SLC35D1: variants seen among roughly 807,000 people sequenced by gnomAD.
SLC35D1 encodes the protein solute carrier family 35 member D1, also known as nucleotide sugar transporter SLC35D1.
Under a neutral mutation model 46.7 loss-of-function variants are expected in SLC35D1, and 31 were observed. The observed-to-expected ratio is 0.66, with a 90% CI of 0.50 to 0.90. SLC35D1 has a LOEUF of 0.90. Among genes scored for constraint, SLC35D1 ranks in the 40% least tolerant of loss-of-function variants. The pLI is 0.00. For missense variants in SLC35D1, 397 were observed against 426.2 expected, an observed-to-expected ratio of 0.93 and a Z score of 0.60; for synonymous variants, 195 against 164.6, an observed-to-expected ratio of 1.18 and a Z score of -1.41.
chr1:66,994,201 C>T, the SLC35D1 span, among the ~76,000 whole-genome samples: 1 of 152,180 alleles, frequency 6.6e-6, no homozygotes, highest in African/African-American at 2.4e-5. Context: ...CTGACGACTC[C>T]GGTGAGATGA....
intron 5 of SLC35D1, among the ~76,000 whole-genome samples, chr1:67,050,051 A>C (rs556235311): frequency 6.6e-6 from 1 of 152,296 alleles, no homozygotes; most frequent in South Asian, 2.1e-4. Flanking sequence ...CACTTTTAAA[A>C]TTTTCACCTA....
intron 1 of SLC35D1, among the ~76,000 whole-genome samples, chr1:67,053,398 G>A (rs1039614374): frequency 9.2e-5 from 14 of 152,206 alleles, no homozygotes; most frequent in Non-Finnish European, 2.9e-5. Flanking sequence ...GTCAGCGGGT[G>A]CAGGGGACAC....
At chr1:66,982,693 A>C in the SLC35D1 span, among the ~76,000 whole-genome samples, 7 of 152,226 alleles carry the variant, frequency 4.6e-5, no homozygotes, top group Non-Finnish European at 8.8e-5. Context: ...AGAAACTGGA[A>C]GAGAAACACT....
chr1:67,021,494 C>T (rs1558155068), intron 9 of SLC35D1, 41 bp downstream of exon 9: 2 of 1,605,196 alleles, frequency 1.2e-6, no homozygotes, highest in Admixed American at 1.7e-5. Flanking sequence ...TAACCTATTT[C>T]TTTAGGAAAA....
chr1:67,053,027 AACC>A, intron 1 of SLC35D1, 38 bp from the exon 2 acceptor site: 1 of 1,611,958 alleles, frequency 6.2e-7, no homozygotes, highest in Non-Finnish European at 8.5e-7. Context: ...GATCAGAACA[AACC>A]TAACTTAGCT....
chr1:67,048,608 A>G (rs1204813584), intron 6 of SLC35D1, among the ~76,000 whole-genome samples: 3 of 152,210 alleles, frequency 2.0e-5, no homozygotes, highest in Non-Finnish European at 2.9e-5. Flanking sequence ...TACTACAGGA[A>G]TGTGATGAAG....
At chr1:66,977,799 GA>G in the SLC35D1 span, among the ~76,000 whole-genome samples, 1 of 151,610 alleles carries the variant, frequency 6.6e-6, no homozygotes, top group African/African-American at 2.4e-5. Context: ...AATGTTTACA[GA>G]ATAAAAAAAT....
Position 67,054,087 on chromosome 1 carries a change from C to T in SLC35D1, c.-74G>A, listed in dbSNP as rs1645346839. 6.7e-7 allele frequency: 1 copy of T among 1,500,556 alleles called. No individual in the cohort carries two copies. Among genetic ancestry groups the T allele is most frequent in the Admixed American group, 1.8e-5 (1 of 55,318 alleles). The allele number at this position is 1,500,556 out of a possible 1,614,324, so 93.0% of individuals were successfully genotyped here. On this transcript the variant is annotated 5_prime_UTR_variant, in exon 1 of 12. Coordinates refer to ENST00000235345, the MANE Select transcript of SLC35D1 (RefSeq NM_015139.3). ...GCCTGCAGCGGCAGCTCCCAGGGGACTCCAGGAGTTGGGGACCGCAGACTA... is the reference window on the plus strand; with the variant it reads ...GCCTGCAGCGGCAGCTCCCAGGGGATTCCAGGAGTTGGGGACCGCAGACTA...
the SLC35D1 span, among the ~76,000 whole-genome samples, chr1:66,981,526 T>C: frequency 2.6e-5 from 4 of 152,214 alleles, no homozygotes; most frequent in South Asian, 2.1e-4. Flanking sequence ...CCTACAACTT[T>C]ACAAGCTTTA....
intron 7 of SLC35D1, among the ~76,000 whole-genome samples, chr1:67,043,200 A>AC (rs1645213401): frequency 6.6e-6 from 1 of 150,862 alleles, no homozygotes; most frequent in Non-Finnish European, 1.5e-5. Context: ...CATCTCAAAA[A>AC]AAAAAACAAA....
At position 67,053,984 on chromosome 1, in the gene SLC35D1, A is replaced by G. The variant is rs1558170287; in HGVS notation, c.30T>C (p.Ala10=). The part of the protein sequence containing the change: MAEVHRRQH[A]RVKGEAPAKS... Reference sequence around the variant, plus strand: ...TCGCGGGGGCTTCTCCTTTAACCCGAGCATGCTGACGTCTATGAACTTCCG... The same window carrying G: ...TCGCGGGGGCTTCTCCTTTAACCCGGGCATGCTGACGTCTATGAACTTCCG... Residue 10 remains alanine, a synonymous_variant, in exon 1 of 12, where the codon GCT becomes GCC. Coordinates refer to ENST00000235345, the MANE Select transcript of SLC35D1 (RefSeq NM_015139.3). 1.2e-6 allele frequency: 2 copies of G among 1,612,906 alleles called. No homozygotes were observed. Among genetic ancestry groups the G allele is most frequent in the Non-Finnish European group, 1.7e-6 (2 of 1,179,416 alleles).
At chr1:67,039,078 C>G (rs1444225912) in intron 8 of SLC35D1, among the ~76,000 whole-genome samples, 1 of 152,130 alleles carries the variant, frequency 6.6e-6, no homozygotes, top group Non-Finnish European at 1.5e-5. Flanking sequence ...TTCAGAGCCC[C>G]CTTGTTGGAT....
intron 11 of SLC35D1, among the ~76,000 whole-genome samples, chr1:67,007,601 C>T (rs182800830): frequency 5.3e-5 from 8 of 152,192 alleles, no homozygotes; most frequent in African/African-American, 1.7e-4. Context: ...TATAGATTTT[C>T]GGAAAGGGCA....
At chr1:67,025,075 A>C (rs1162760838) in intron 8 of SLC35D1, among the ~76,000 whole-genome samples, 6 of 152,088 alleles carry the variant, frequency 3.9e-5, no homozygotes, top group African/African-American at 1.2e-4. Context: ...TAAGAACACC[A>C]GTCATATTGA....
chr1:67,043,038 T>C (rs532559429), intron 7 of SLC35D1, among the ~76,000 whole-genome samples: 1 of 151,552 alleles, frequency 6.6e-6, no homozygotes, highest in East Asian at 1.9e-4. Flanking sequence ...TCTACAAAAA[T>C]ACAAAAATTA....
downstream of SLC35D1, among the ~76,000 whole-genome samples, chr1:66,998,778 C>T (rs891700224): frequency 9.9e-5 from 15 of 152,096 alleles, no homozygotes; most frequent in Non-Finnish European, 2.1e-4. Flanking sequence ...ATATAAAATA[C>T]CTAGTGTAGT....
chr1:66,998,371 C>A (rs1478276720), downstream of SLC35D1, among the ~76,000 whole-genome samples: 1 of 152,098 alleles, frequency 6.6e-6, no homozygotes, highest in East Asian at 1.9e-4. Context: ...TGCCTGTAAT[C>A]CCAGTCACTC....
intron 7 of SLC35D1, among the ~76,000 whole-genome samples, chr1:67,044,739 T>TA (rs1288006045): frequency 6.6e-6 from 1 of 152,248 alleles, no homozygotes; most frequent in Admixed American, 6.5e-5. Flanking sequence ...CATTCAGGTC[T>TA]AAAATGCAGC....
At chr1:66,997,630 T>C (rs1361875432), downstream of SLC35D1, among the ~76,000 whole-genome samples, 1 of 144,878 alleles carries the variant, frequency 6.9e-6, no homozygotes, top group Non-Finnish European at 1.5e-5. Flanking sequence ...TATATGCAGA[T>C]ACCCTATATC....
Sources: gnomAD v4.1 joint callset for allele counts (sites outside exome capture counted in the v4.1 genomes callset) on GRCh38, gnomAD v4.1.1 for gene constraint, MANE v1.5 for transcripts, NCBI Gene and HGNC (gene_info 2026-07-23, HGNC 2026-07-21) for gene names.